Variants in NDUFA10 observed in about 807,000 individuals in gnomAD.
NDUFA10 encodes the protein NADH dehydrogenase [ubiquinone] 1 alpha subcomplex subunit 10, mitochondrial.
In NDUFA10, 40 loss-of-function variants were observed where a neutral mutation model predicts 47.8. The ratio of observed to expected loss-of-function variants is 0.84; its 90% CI spans 0.65 to 1.09. NDUFA10 has a LOEUF of 1.09. NDUFA10 is among the 50% of genes least tolerant of loss of function. The probability of loss-of-function intolerance (pLI) is 0.00; values close to 1 mark genes in which losing one functional copy is unlikely to be tolerated. For missense variants in NDUFA10, 413 were observed against 451.1 expected (o/e 0.92, Z 0.76); for synonymous variants, 183 against 172.2 (o/e 1.06, Z -0.49).
rs1156716349 is a variant in NDUFA10 at position 239,928,973 on chromosome 2, G to C, written c.295-33659C>G. Among the ~76,000 whole-genome samples, 1 of 152,172 alleles carries C rather than the reference G, an allele frequency of 6.6e-6. No homozygotes were observed. Among genetic ancestry groups the C allele is most frequent in the Non-Finnish European group, 1.5e-5 (1 of 68,032 alleles). ...TCAGGAGCCCCCGACTCTTCCTCCTGCACCTACTCCTGTCTCTGTCCAGTG... is the reference window on the plus strand; with the variant it reads ...TCAGGAGCCCCCGACTCTTCCTCCTCCACCTACTCCTGTCTCTGTCCAGTG... On this transcript the variant is annotated intron_variant, in intron 4 of 5. Coordinates refer to the NDUFA10 transcript ENST00000419408. This position sits in a 1 kb window ranked among gnomAD's most constrained non-coding sequence, Gnocchi z 4.3.
rs1399230621 is a variant in NDUFA10 at position 239,991,927 on chromosome 2, T to C, written c.891-1745A>G. Among the ~76,000 whole-genome samples the C allele has an allele frequency of 3.3e-5, 5 of 152,332 alleles. No individual in the cohort carries two copies. The South Asian group carries it at 6.2e-4, about 19-fold the overall frequency. On this transcript the variant is annotated intron_variant, in intron 8 of 9. Coordinates refer to ENST00000252711, the MANE Select transcript of NDUFA10 (RefSeq NM_004544.4). ...CTATGCTTAATTTGGCAACATTACA[T>C]GTAGTCCCGGAAAATCTTTTAACAA...
At chr2:239,938,904 G>A (rs777891165) in intron 4 of NDUFA10, among the ~76,000 whole-genome samples, 8 of 152,204 alleles carry the variant, frequency 5.3e-5, no homozygotes, top group Non-Finnish European at 8.8e-5. Flanking sequence ...AGCGGCCCCC[G>A]CGGACGGCTT....
At chr2:239,921,190 G>A (rs1394903091) in intron 4 of NDUFA10, among the ~76,000 whole-genome samples, 1 of 152,144 alleles carries the variant, frequency 6.6e-6, no homozygotes, top group Non-Finnish European at 1.5e-5. Context: ...AGGTAGGCGA[G>A]TGAGCTGCAC....
rs1220804734 is a variant in NDUFA10 at position 239,899,448 on chromosome 2, TGTGATGGAGGGGTGTGACGGAG to T, written c.295-4156_295-4135del. ...GGTGTGATGGAGGAATGTGGAGGGT[TGTGATGGAGGGGTGTGACGGAG>T]GGGTGTGATGGAGAGGTGTGATGGA... On this transcript the variant is annotated intron_variant, in intron 4 of 5. Coordinates refer to the NDUFA10 transcript ENST00000419408. Among the ~76,000 whole-genome samples the T allele has an allele frequency of 1.5e-5, 2 of 130,136 alleles. 1 individual carries two copies. The allele number at this position is 130,136 out of a possible 152,430, so 85.4% of individuals were successfully genotyped here. A position where few individuals can be genotyped will look rare whatever the true frequency, so the allele number is the denominator to read the frequency against.
At chr2:240,021,050 A>C in intron 3 of NDUFA10, 147 bp downstream of exon 3, 1 of 714,976 alleles carries the variant, frequency 1.4e-6, no homozygotes, top group Non-Finnish European at 2.5e-6. Context: ...ACACAATCTC[A>C]AGAAATTCAT....
chr2:239,933,517 T>G (rs201309403), intron 4 of NDUFA10, among the ~76,000 whole-genome samples: 3 of 149,162 alleles, frequency 2.0e-5, no homozygotes, highest in Admixed American at 6.7e-5. Flanking sequence ...TTTTTTTGTT[T>G]TTTTGTTTTG....
At chr2:239,911,679 G>GTGTGTGTGTGTGTGTGTGTGTGT (rs201263934) in intron 4 of NDUFA10, among the ~76,000 whole-genome samples, 1 of 150,248 alleles carries the variant, frequency 6.7e-6, no homozygotes, top group Non-Finnish European at 1.5e-5. Context: ...GAGTGTGTGT[G>GTGTGTGTGTGTGTGTGTGTGTGT]CGTGTGTGTG....
intron 9 of NDUFA10, among the ~76,000 whole-genome samples, chr2:239,963,566 G>A (rs1218600627): frequency 6.6e-6 from 1 of 152,210 alleles, no homozygotes; most frequent in African/African-American, 2.4e-5. Context: ...GGAAGGCCTG[G>A]GTGAGAGAGA....
chr2:239,951,351 A>T (rs1462886797), intron 4 of NDUFA10, among the ~76,000 whole-genome samples: 1 of 152,216 alleles, frequency 6.6e-6, no homozygotes, highest in Non-Finnish European at 1.5e-5. Context: ...CAGCAGGGGG[A>T]GAGACGCAGA....
At chr2:239,991,630 T>G (rs1392748538) in intron 8 of NDUFA10, among the ~76,000 whole-genome samples, 2 of 152,248 alleles carry the variant, frequency 1.3e-5, no homozygotes, top group Non-Finnish European at 2.9e-5. Flanking sequence ...GCTTTCCTTA[T>G]GCATTCTATC....
chr2:239,927,173 A>G (rs1247985988), intron 4 of NDUFA10, among the ~76,000 whole-genome samples: 4 of 152,222 alleles, frequency 2.6e-5, no homozygotes, highest in Non-Finnish European at 5.9e-5. Context: ...ACCTAGGCTA[A>G]TGTGTGCATT....
intron 4 of NDUFA10, among the ~76,000 whole-genome samples, chr2:239,919,316 C>T (rs999240843): frequency 6.6e-6 from 1 of 152,136 alleles, no homozygotes; most frequent in Admixed American, 6.5e-5. Context: ...GGGCCTCCCA[C>T]CCCTGCTTGA....
rs144068073 is a variant in NDUFA10 at position 239,985,780 on chromosome 2, G to A, written c.999+4294C>T. Among the ~76,000 whole-genome samples, 768 of 152,124 alleles carry A rather than the reference G, an allele frequency of 5.0e-3. 17 individuals carry two copies. Among genetic ancestry groups the A allele is most frequent in the Admixed American group, 0.038 (579 of 15,282 alleles). ...CAAAAAATTAGCTGGGCATGGTGGCGCATGCCTGTAGTCCCAACTACTCGG... is the reference window on the plus strand; with the variant it reads ...CAAAAAATTAGCTGGGCATGGTGGCACATGCCTGTAGTCCCAACTACTCGG... On this transcript the variant is annotated intron_variant, in intron 9 of 9. Transcript: ENST00000252711.
chr2:239,979,624 G>C (rs946260242), intron 9 of NDUFA10, among the ~76,000 whole-genome samples: 3 of 152,050 alleles, frequency 2.0e-5, no homozygotes, highest in Non-Finnish European at 2.9e-5. Flanking sequence ...CAGCGCCCCC[G>C]CCCATAGCAC....
intron 4 of NDUFA10, among the ~76,000 whole-genome samples, chr2:239,915,409 C>A (rs7371162): frequency 0.5 from 57,928 of 115,306 alleles, 13,265 homozygotes; most frequent in African/African-American, 0.58. Flanking sequence ...ACACAGAACA[C>A]ACACATACAC....
chr2:239,904,513 T>TCGAACTCCTGACCTCAA (rs1439763315), intron 4 of NDUFA10, among the ~76,000 whole-genome samples: 2 of 152,192 alleles, frequency 1.3e-5, no homozygotes, highest in Non-Finnish European at 2.9e-5. Flanking sequence ...CAGGCTGGTC[T>TCGAACTCCTGACCTCAA]CGAACTCCTG....
chr2:239,944,822 T>G (rs1694417368), intron 4 of NDUFA10, among the ~76,000 whole-genome samples: 1 of 152,092 alleles, frequency 6.6e-6, no homozygotes, highest in Non-Finnish European at 1.5e-5. Flanking sequence ...CCCAGAGCCT[T>G]GGGGCCATAG....
At chr2:240,021,672 C>T (rs1697629314) in intron 2 of NDUFA10, among the ~76,000 whole-genome samples, 1 of 152,212 alleles carries the variant, frequency 6.6e-6, no homozygotes, top group South Asian at 2.1e-4. Flanking sequence ...TCCCTGTAAC[C>T]ACAGGAGCCC....
At chr2:239,913,783 C>T (rs62181315) in intron 4 of NDUFA10, among the ~76,000 whole-genome samples, 90,641 of 152,214 alleles carry the variant, frequency 0.6, 27,112 homozygotes, top group Middle Eastern at 0.66. Flanking sequence ...CCCACCCCAT[C>T]TGGCAGGCTG....
Sources: gnomAD v4.1 joint callset for allele counts (sites outside exome capture counted in the v4.1 genomes callset) on GRCh38, gnomAD v4.1.1 for gene constraint, Gnocchi (gnomAD v3.1) non-coding constraint, MANE v1.5 for transcripts, NCBI Gene and HGNC (gene_info 2026-07-23, HGNC 2026-07-21) for gene names.